Variants in THADA observed in about 807,000 individuals in gnomAD.
The protein encoded by THADA is THADA armadillo repeat containing, also known as tRNA (32-2'-O)-methyltransferase regulator THADA.
In THADA, 213 loss-of-function variants were observed where a neutral mutation model predicts 219.8. The ratio of observed to expected loss-of-function variants is 0.97; its 90% confidence interval spans 0.87 to 1.09. The LOEUF (loss-of-function observed/expected upper bound fraction) is 1.09, where lower values mean the gene tolerates loss of function less well. Ranked by LOEUF, THADA falls within the 50% of genes least tolerant of loss-of-function variation. The probability of loss-of-function intolerance (pLI) is 0.00; values close to 1 mark genes in which losing one functional copy is unlikely to be tolerated. For missense variants in THADA, 2,956 were observed against 2,311.3 expected (o/e 1.28, Z -5.72); for synonymous variants, 1,018 against 828.9 (o/e 1.23, Z -3.92).
intron 25 of THADA, among the ~76,000 whole-genome samples, chr2:43,488,380 T>C (rs1274418278): frequency 6.6e-6 from 1 of 152,176 alleles, no homozygotes; most frequent in Non-Finnish European, 1.5e-5. Flanking sequence ...CTACTTTGTG[T>C]CTCTATAAAC....
At chr2:43,546,155 T>C (rs1189181095) in intron 20 of THADA, among the ~76,000 whole-genome samples, 1 of 151,488 alleles carries the variant, frequency 6.6e-6, no homozygotes, top group Non-Finnish European at 1.5e-5. Flanking sequence ...CAGGAGCAGG[T>C]TGTTCAGTTT....
Position 43,231,295 on chromosome 2 carries a change from C to T in THADA, c.5515G>A (p.Glu1839Lys), listed in dbSNP as rs777425957. Residue 1839 changes from glutamate to lysine, a missense_variant, in exon 38 of 38, where the codon GAG becomes AAG. Coordinates refer to ENST00000405975, the MANE Select transcript of THADA (RefSeq NM_022065.5). ...FEKAEVNFWA[E>K]TLIFVKYLCK... Reference sequence around the variant, plus strand: ...AGGTATTTCACAAAGATCAGGGTCTCGGCCCAAAAGTTGACTTCTGCTTTT... The same window carrying T: ...AGGTATTTCACAAAGATCAGGGTCTTGGCCCAAAAGTTGACTTCTGCTTTT... 20 of 1,584,028 alleles carry T rather than the reference C, an allele frequency of 1.3e-5. No homozygotes were observed. In the African/African-American group the frequency reaches 1.4e-4, roughly 11 times the overall value.
At chr2:43,316,122 C>T (rs79337421) in intron 31 of THADA, among the ~76,000 whole-genome samples, 1 of 152,274 alleles carries the variant, frequency 6.6e-6, no homozygotes, top group African/African-American at 2.4e-5. Context: ...TCTGTAATAC[C>T]TACCTCCACC....
At chr2:43,594,127 G>T (rs985932189) in intron 1 of THADA, among the ~76,000 whole-genome samples, 2 of 152,014 alleles carry the variant, frequency 1.3e-5, no homozygotes, top group African/African-American at 4.8e-5. Context: ...TCCTGAAACA[G>T]CTCCCTAACT....
chr2:43,550,753 G>A (rs987564977), intron 19 of THADA, among the ~76,000 whole-genome samples: 1 of 152,162 alleles, frequency 6.6e-6, no homozygotes, highest in African/African-American at 2.4e-5. Flanking sequence ...TGGGTACTTT[G>A]CTGACCCAAA....
At chr2:43,326,515 C>G (rs1679354919) in intron 30 of THADA, among the ~76,000 whole-genome samples, 1 of 152,104 alleles carries the variant, frequency 6.6e-6, no homozygotes, top group South Asian at 2.1e-4. Flanking sequence ...CTTAATGTGG[C>G]CTCCATCAAA....
At chr2:43,566,088 A>T (rs191231175) in intron 15 of THADA, 115 of 182,332 alleles carry the variant, frequency 6.3e-4, no homozygotes, top group African/African-American at 2.5e-3. Flanking sequence ...ACTCTGTCTC[A>T]AAATAAAAAA....
Position 43,581,814 on chromosome 2 carries a change from C to G in THADA, c.648G>C (p.Trp216Cys). The change falls in exon 8 of 38, where the codon TGG (tryptophan) becomes TGC (cysteine). Residue 216 changes from tryptophan (W) to cysteine (C), a missense_variant. Coordinates refer to ENST00000405975, the MANE Select transcript of THADA (RefSeq NM_022065.5). The stretch of plus-strand genomic sequence containing the variant: ...GCCATATGGGAGAATCGGAAGTCTT[C>G]CAAAGATTTCCCTGGAAATCTTGTA... ...QKVQDFQGNL[W>C]KTSDSPIWQN... is the part of the protein sequence containing the mutation. The G allele has an allele frequency of 6.2e-7, 1 of 1,612,746 alleles. No homozygotes were observed. Among genetic ancestry groups the G allele is most frequent in the Non-Finnish European group, 8.5e-7 (1 of 1,179,628 alleles).
In THADA at chr2:43,369,621, C is replaced by A. The variant is rs138722378; in HGVS notation, c.4228-25384G>T. 3.3e-3 allele frequency among the ~76,000 whole-genome samples: 504 copies of A among 152,282 alleles called. 2 individuals carry two copies. The highest frequency in any genetic ancestry group is 0.012 in the African/African-American group (482 of 41,550). On this transcript the variant is annotated intron_variant, in intron 29 of 37. Coordinates refer to ENST00000405975, the MANE Select transcript of THADA (RefSeq NM_022065.5). Reference sequence around the variant, plus strand: ...AGGTTGCTCATTAAGAAGGCAGATTCTGAGGTCCTACCTCAGGCCTTCATG... The same window carrying A: ...AGGTTGCTCATTAAGAAGGCAGATTATGAGGTCCTACCTCAGGCCTTCATG...
chr2:43,379,186 G>A (rs1325160221), intron 29 of THADA, among the ~76,000 whole-genome samples: 2 of 152,076 alleles, frequency 1.3e-5, no homozygotes, highest in Non-Finnish European at 2.9e-5. Flanking sequence ...TCTAATGTCC[G>A]TATCTTCTGG....
At chr2:43,444,292 CTG>C (rs1045096035) in intron 26 of THADA, among the ~76,000 whole-genome samples, 60 of 152,304 alleles carry the variant, frequency 3.9e-4, no homozygotes, top group African/African-American at 1.4e-3. Flanking sequence ...ATAGTAGTCT[CTG>C]TGTTTTACAC....
At chr2:43,385,361 C>A (rs1452938629) in intron 29 of THADA, among the ~76,000 whole-genome samples, 3 of 152,004 alleles carry the variant, frequency 2.0e-5, no homozygotes, top group African/African-American at 4.8e-5. Context: ...AATCCCAGCA[C>A]TTTGGGAGGC....
intron 29 of THADA, among the ~76,000 whole-genome samples, chr2:43,363,289 C>T (rs114372579): frequency 6.6e-6 from 1 of 152,334 alleles, no homozygotes; most frequent in African/African-American, 2.4e-5. Flanking sequence ...AGCATCACCA[C>T]AAACACATGA....
At chr2:43,280,540 G>A (rs1293128337) in intron 35 of THADA, among the ~76,000 whole-genome samples, 1 of 152,160 alleles carries the variant, frequency 6.6e-6, no homozygotes, top group Non-Finnish European at 1.5e-5. Flanking sequence ...GCTGAGATGG[G>A]AGAATCGCTT....
At chr2:43,329,708 T>C (rs1309129489) in intron 30 of THADA, among the ~76,000 whole-genome samples, 1 of 152,128 alleles carries the variant, frequency 6.6e-6, no homozygotes, top group African/African-American at 2.4e-5. Context: ...ACAAATTGTA[T>C]CTATGTGTCC....
At chr2:43,449,124 A>T (rs1681979744) in intron 26 of THADA, among the ~76,000 whole-genome samples, 1 of 152,146 alleles carries the variant, frequency 6.6e-6, no homozygotes, top group African/African-American at 2.4e-5. Context: ...TAATAAATAG[A>T]TAGAAACCTA....
intron 26 of THADA, among the ~76,000 whole-genome samples, chr2:43,477,160 GC>G (rs1685647534): frequency 6.6e-6 from 1 of 152,012 alleles, no homozygotes; most frequent in South Asian, 2.1e-4. Context: ...TCAGAAATAT[GC>G]CTTTCACCTG....
At chr2:43,526,020 T>C (rs1213902619) in intron 22 of THADA, among the ~76,000 whole-genome samples, 3 of 152,150 alleles carry the variant, frequency 2.0e-5, no homozygotes, top group Admixed American at 6.5e-5. Flanking sequence ...CCAACATCAA[T>C]CTCATGTTTT....
Position 43,279,783 on chromosome 2 carries a change from TTTC to T in THADA, c.5275_5277del (p.Glu1759del), listed in dbSNP as rs765820464. 6.4e-7 allele frequency: 1 copy of T among 1,550,388 alleles called. No individual in the cohort carries two copies. Among genetic ancestry groups the T allele is most frequent in the African/African-American group, 1.4e-5 (1 of 73,094 alleles). On this transcript the variant is annotated inframe_deletion, in exon 36 of 38. Transcript: ENST00000405975. ...GAGGTACCTGTTGACTGGCAGGTAT[TTTC>T]TTGTGACATGGCAGTTGTCACGGTT...
Sources: allele counts gnomAD v4.1 joint callset (sites outside exome capture counted in the v4.1 genomes callset), GRCh38; gene constraint gnomAD v4.1.1; transcripts MANE v1.5; gene names NCBI Gene and HGNC (gene_info 2026-07-23, HGNC 2026-07-21).